Variants in CELF4 observed in about 807,000 individuals in gnomAD.
CELF4 encodes the protein CUG-BP- and ETR-3-like factor 4.
CELF4 carries 18 observed loss-of-function variants against 59.9 expected under a neutral mutation model. The ratio of observed to expected loss-of-function variants is 0.30; its 90% CI spans 0.21 to 0.45. CELF4 has a LOEUF of 0.45. Ranked by LOEUF, CELF4 falls within the 20% of genes least tolerant of loss-of-function variation. The pLI is 1.00. For missense variants in CELF4, 456 were observed against 689.0 expected, an observed-to-expected ratio of 0.66 and a Z score of 3.79; for synonymous variants, 261 against 267.1, an observed-to-expected ratio of 0.98 and a Z score of 0.22.
chr18:37,382,761 G>A lies in CELF4; in HGVS notation c.370-60880C>T, dbSNP rs144078832. On this transcript the variant is annotated intron_variant, in intron 2 of 12. Coordinates refer to ENST00000420428, the MANE Select transcript of CELF4 (RefSeq NM_020180.4). ...AACAAACGTAAAATATTTACAGTCCGTGTATTAAAACTCTTGTGCACTTTG... is the reference window on the plus strand; with the variant it reads ...AACAAACGTAAAATATTTACAGTCCATGTATTAAAACTCTTGTGCACTTTG... Among the ~76,000 whole-genome samples the A allele has an allele frequency of 2.6e-4, 40 of 152,212 alleles. No individual in the cohort carries two copies. In the East Asian group the frequency reaches 5.2e-3, roughly 20 times the overall value.
chr18:37,403,539 G>T (rs763199267), intron 2 of CELF4, among the ~76,000 whole-genome samples: 2 of 152,102 alleles, frequency 1.3e-5, no homozygotes, highest in Non-Finnish European at 2.9e-5. Context: ...ATGTGACTCC[G>T]TGTGACAGCA....
chr18:37,450,867 C>A (rs1033830507), intron 2 of CELF4, among the ~76,000 whole-genome samples: 4 of 152,198 alleles, frequency 2.6e-5, no homozygotes, highest in African/African-American at 9.6e-5. Context: ...TGTCACTAGC[C>A]TTGGCCTGGT....
chr18:37,521,384 C>T (rs139838433), intron 1 of CELF4, among the ~76,000 whole-genome samples: 1 of 152,266 alleles, frequency 6.6e-6, no homozygotes, highest in East Asian at 1.9e-4. Context: ...ATGCCCCCTG[C>T]AATAGATCAT....
intron 1 of CELF4, among the ~76,000 whole-genome samples, chr18:37,499,617 G>A (rs2099929187): frequency 6.6e-6 from 1 of 152,218 alleles, no homozygotes; most frequent in African/African-American, 2.4e-5. Flanking sequence ...GCAATGGCAG[G>A]GCTGGCCCCT....
Position 37,384,634 on chromosome 18 carries a change from C to T in CELF4, c.370-62753G>A, listed in dbSNP as rs1471826815. Reference sequence around the variant, plus strand: ...GAAAGGGACTCTGCAGAAGCCTTAGCCTATGGAGGGTGGTGGTGTCAGGAA... The same window carrying T: ...GAAAGGGACTCTGCAGAAGCCTTAGTCTATGGAGGGTGGTGGTGTCAGGAA... On this transcript the variant is annotated intron_variant, in intron 2 of 12. Transcript: ENST00000420428. Among the ~76,000 whole-genome samples the T allele has an allele frequency of 2.0e-5, 3 of 152,180 alleles. No homozygotes were observed. In the East Asian group the frequency reaches 5.8e-4, roughly 30 times the overall value.
At position 37,443,189 on chromosome 18, in the gene CELF4, C is replaced by T. The variant is rs528166432; in HGVS notation, c.369+42336G>A. Among the ~76,000 whole-genome samples the T allele has an allele frequency of 3.3e-5, 5 of 152,266 alleles. No homozygotes were observed. In the East Asian group the frequency reaches 7.8e-4, roughly 24 times the overall value. Reference sequence around the variant, plus strand: ...AACCCTAGAGCCTCACAGGGGGCAACGCCCTAGCCTGTCTCTGTCCCTCCG... The same window carrying T: ...AACCCTAGAGCCTCACAGGGGGCAATGCCCTAGCCTGTCTCTGTCCCTCCG... On this transcript the variant is annotated intron_variant, in intron 2 of 12. Transcript: ENST00000420428.
At chr18:37,557,725 T>C (rs1190869357) in intron 1 of CELF4, among the ~76,000 whole-genome samples, 1 of 152,166 alleles carries the variant, frequency 6.6e-6, no homozygotes, top group Non-Finnish European at 1.5e-5. Flanking sequence ...CATTATCAAT[T>C]TTTTTCCTGA....
intron 1 of CELF4, among the ~76,000 whole-genome samples, chr18:37,541,701 C>T (rs564825548): frequency 2.6e-5 from 4 of 152,198 alleles, no homozygotes; most frequent in Admixed American, 2.0e-4. Context: ...CACTGCTCTT[C>T]CTCCTGTCTC....
At chr18:37,511,258 T>C (rs540566083) in intron 1 of CELF4, among the ~76,000 whole-genome samples, 2 of 152,220 alleles carry the variant, frequency 1.3e-5, no homozygotes, top group South Asian at 4.2e-4. Context: ...ACAGGCAGGC[T>C]CTTTGTTCGG....
intron 2 of CELF4, among the ~76,000 whole-genome samples, chr18:37,409,005 G>A (rs1316667696): frequency 3.9e-5 from 6 of 152,194 alleles, no homozygotes; most frequent in African/African-American, 1.4e-4. Flanking sequence ...TAGAACGTAT[G>A]GGTTGACTGA....
chr18:37,556,659 C>T (rs1438214488), intron 1 of CELF4, among the ~76,000 whole-genome samples: 1 of 152,078 alleles, frequency 6.6e-6, no homozygotes, highest in South Asian at 2.1e-4. Flanking sequence ...AGTGAGTGAT[C>T]CCATCCTGTT....
intron 2 of CELF4, among the ~76,000 whole-genome samples, chr18:37,404,590 C>T (rs1220989328): frequency 6.6e-6 from 1 of 152,202 alleles, no homozygotes; most frequent in African/African-American, 2.4e-5. Flanking sequence ...GCCTGGACAT[C>T]ACTCCAGCCA....
At chr18:37,541,777 C>T (rs1569569821) in intron 1 of CELF4, among the ~76,000 whole-genome samples, 1 of 151,904 alleles carries the variant, frequency 6.6e-6, no homozygotes, top group South Asian at 2.1e-4. Flanking sequence ...GCTGGAAGTG[C>T]TTTCTCCCGC....
At chr18:37,530,482 C>T (rs1483823330) in intron 1 of CELF4, among the ~76,000 whole-genome samples, 1 of 152,122 alleles carries the variant, frequency 6.6e-6, no homozygotes, top group Middle Eastern at 3.2e-3. Context: ...TGCTGCCTGC[C>T]CAGCAAGACA....
intron 2 of CELF4, among the ~76,000 whole-genome samples, chr18:37,368,486 C>T (rs977688712): frequency 8.5e-5 from 13 of 152,296 alleles, no homozygotes; most frequent in Middle Eastern, 3.4e-3. Flanking sequence ...CCTGGCTGGC[C>T]TCCCCTCCCA....
At position 37,264,593 on chromosome 18, in the gene CELF4, C is replaced by A. The variant is rs2303376; in HGVS notation, c.1249+81G>T. The A allele has an allele frequency of 1.8e-3, 2,215 of 1,248,138 alleles. 50 individuals are homozygous for A. In the East Asian group the frequency reaches 0.048, roughly 27 times the overall value. The allele number at this position is 1,248,138 out of a possible 1,614,324, so 77.3% of individuals were successfully genotyped here. A position where few individuals can be genotyped will look rare whatever the true frequency, so the allele number is the denominator to read the frequency against. On this transcript the variant is annotated intron_variant, in intron 10 of 12. Transcript: ENST00000420428. ...ACGTGGTCACCTTTCCAACGCACAC[C>A]CCAGCCCAAGGCCCAGGTGAGCAGC...
intron 3 of CELF4, among the ~76,000 whole-genome samples, chr18:37,281,912 C>T (rs1303295903): frequency 1.3e-5 from 2 of 152,166 alleles, no homozygotes; most frequent in African/African-American, 4.8e-5. Flanking sequence ...ACCTGTGGAT[C>T]AGGGAGGACC....
Position 37,409,600 on chromosome 18 carries a change from G to A in CELF4, c.369+75925C>T, listed in dbSNP as rs146397799. On this transcript the variant is annotated intron_variant, in intron 2 of 12. Coordinates refer to ENST00000420428, the MANE Select transcript of CELF4 (RefSeq NM_020180.4). The stretch of plus-strand genomic sequence containing the variant: ...GTTGTCGAGGTCCAGAAAGCCAAGT[G>A]TGGGGGGCTGCATCAGGGAAGGGAG... Among the ~76,000 whole-genome samples the A allele has an allele frequency of 4.9e-3, 747 of 152,290 alleles. 4 individuals are homozygous for A. Among genetic ancestry groups the A allele is most frequent in the African/African-American group, 0.016 (672 of 41,548 alleles).
chr18:37,438,971 G>A (rs2099702718), intron 2 of CELF4, among the ~76,000 whole-genome samples: 1 of 152,146 alleles, frequency 6.6e-6, no homozygotes, highest in Admixed American at 6.5e-5. Context: ...AATGCCCAGG[G>A]GAGGCCTCAC....
Sources: gnomAD v4.1 joint callset for allele counts (sites outside exome capture counted in the v4.1 genomes callset) on GRCh38, gnomAD v4.1.1 for gene constraint, MANE v1.5 for transcripts, NCBI Gene and HGNC (gene_info 2026-07-23, HGNC 2026-07-21) for gene names.